The following SHTN1 variants were observed in gnomAD, a reference collection of about 807,000 sequenced individuals.
SHTN1 encodes the protein shootin-1.
Under a neutral mutation model 83.1 loss-of-function variants are expected in SHTN1, and 42 were observed. The observed-to-expected ratio is 0.51, with a 90% CI of 0.39 to 0.65. The LOEUF is 0.65. SHTN1 is among the 30% of genes least tolerant of loss of function. SHTN1 has a pLI of 0.00. For missense variants in SHTN1, 622 were observed against 737.8 expected (o/e 0.84, Z 1.82); for synonymous variants, 224 against 247.7 (o/e 0.90, Z 0.90).
intron 1 of SHTN1, among the ~76,000 whole-genome samples, chr10:117,104,327 T>C (rs995947828): frequency 6.6e-6 from 1 of 152,234 alleles, no homozygotes; most frequent in Non-Finnish European, 1.5e-5. Flanking sequence ...TCAGTTTGTA[T>C]TGCACAGCAG....
intron 3 of SHTN1, among the ~76,000 whole-genome samples, chr10:116,963,487 A>G (rs1381366572): frequency 2.0e-5 from 3 of 152,156 alleles, no homozygotes; most frequent in Non-Finnish European, 2.9e-5. Context: ...TCATATTTGC[A>G]TATTTGGATG....
chr10:116,924,966 C>T (rs575861274), intron 11 of SHTN1, among the ~76,000 whole-genome samples: 162 of 152,000 alleles, frequency 1.1e-3, no homozygotes, highest in African/African-American at 3.8e-3. Flanking sequence ...CCATGTTAGC[C>T]AGGATGGTCT....
At chr10:117,044,649 G>T (rs1042097591) in intron 2 of SHTN1, among the ~76,000 whole-genome samples, 11 of 152,068 alleles carry the variant, frequency 7.2e-5, no homozygotes, top group Admixed American at 6.6e-4. Context: ...ATTTAGCTTG[G>T]ATTATTTTTC....
intron 9 of SHTN1, among the ~76,000 whole-genome samples, chr10:116,937,029 C>T (rs1849194613): frequency 6.6e-6 from 1 of 152,066 alleles, no homozygotes; most frequent in African/African-American, 2.4e-5. Flanking sequence ...AATATGCCTC[C>T]ATCCCTTTAT....
At chr10:117,092,814 G>C (rs549529877) in intron 1 of SHTN1, among the ~76,000 whole-genome samples, 243 of 152,288 alleles carry the variant, frequency 1.6e-3, no homozygotes, top group African/African-American at 5.3e-3. Flanking sequence ...GGGAGAGACT[G>C]AGGCTGAAGG....
At chr10:117,076,804 C>G (rs769927922) in intron 1 of SHTN1, among the ~76,000 whole-genome samples, 2 of 152,218 alleles carry the variant, frequency 1.3e-5, no homozygotes, top group African/African-American at 2.4e-5. Flanking sequence ...CAAGGTCATA[C>G]AGACGCCTCT....
intron 10 of SHTN1, 143 bp downstream of exon 10, chr10:116,929,706 A>G (rs1356466138): frequency 2.0e-6 from 1 of 503,896 alleles, no homozygotes; most frequent in Admixed American, 4.0e-5. Context: ...ATGGTTAGAA[A>G]TTAAGGAATT....
chr10:117,074,199 C>T (rs553222013), intron 1 of SHTN1, among the ~76,000 whole-genome samples: 3 of 152,276 alleles, frequency 2.0e-5, no homozygotes, highest in Admixed American at 6.5e-5. Flanking sequence ...CACCAAATGA[C>T]CCTGTTGTTC....
chr10:117,084,906 G>A (rs1413246598), intron 1 of SHTN1, among the ~76,000 whole-genome samples: 1 of 152,168 alleles, frequency 6.6e-6, no homozygotes, highest in Non-Finnish European at 1.5e-5. Flanking sequence ...CGCGCACGGT[G>A]CGCGCCCCCA....
intron 1 of SHTN1, among the ~76,000 whole-genome samples, chr10:117,059,627 G>A (rs1852871577): frequency 6.6e-6 from 1 of 152,192 alleles, no homozygotes; most frequent in African/African-American, 2.4e-5. Context: ...CCAAAAGGCT[G>A]CATACTGTAT....
chr10:117,002,308 G>C (rs1413430828), intron 1 of SHTN1, among the ~76,000 whole-genome samples: 1 of 152,200 alleles, frequency 6.6e-6, no homozygotes, highest in Non-Finnish European at 1.5e-5. Context: ...GACAAGGACT[G>C]TGTAGTTCAC....
intron 2 of SHTN1, among the ~76,000 whole-genome samples, chr10:116,975,518 C>T (rs141413617): frequency 6.6e-6 from 1 of 152,082 alleles, no homozygotes; most frequent in Non-Finnish European, 1.5e-5. Context: ...TGGTTTTACT[C>T]AAGAGTAGGA....
intron 4 of SHTN1, among the ~76,000 whole-genome samples, chr10:116,957,869 G>T (rs1340289493): frequency 6.6e-6 from 1 of 152,124 alleles, no homozygotes; most frequent in African/African-American, 2.4e-5. Context: ...AGACCAGCCT[G>T]GTCAACACAG....
intron 1 of SHTN1, among the ~76,000 whole-genome samples, chr10:117,054,245 T>C (rs1301431602): frequency 2.0e-5 from 3 of 152,046 alleles, no homozygotes; most frequent in East Asian, 1.9e-4. Flanking sequence ...AATGTTAAAA[T>C]AGAGATCATA....
chr10:116,907,681 C>T (rs1848026797), intron 14 of SHTN1, among the ~76,000 whole-genome samples: 1 of 152,156 alleles, frequency 6.6e-6, no homozygotes, highest in African/African-American at 2.4e-5. Flanking sequence ...TAGAAACGGT[C>T]CTTCTCAACT....
chr10:116,997,937 ATAAAAT>A lies in SHTN1; in HGVS notation c.58+7079_58+7084del, dbSNP rs1851682168. ...GAAACACTGTCTCTACTAAAAATAC[ATAAAAT>A]TAGTCAGGCATGGTGGCGGGCGCCT... On this transcript the variant is annotated intron_variant, in intron 1 of 16. Coordinates refer to ENST00000355371, the MANE Select transcript of SHTN1 (RefSeq NM_001127211.3). Among the ~76,000 whole-genome samples, 3 of 152,148 alleles carry A rather than the reference ATAAAAT, an allele frequency of 2.0e-5. No homozygotes were observed. The South Asian group carries it at 6.2e-4, about 32-fold the overall frequency.
rs542029371 is a variant in SHTN1 at position 117,084,992 on chromosome 10, G to A, written c.-188-36482C>T. Among the ~76,000 whole-genome samples, 117 of 152,110 alleles carry A rather than the reference G, an allele frequency of 7.7e-4. 2 individuals carry two copies. In the South Asian group the frequency reaches 0.022, roughly 29 times the overall value. On this transcript the variant is annotated intron_variant, in intron 1 of 17. Transcript: ENST00000392901. ...TCAGATGGAAATGCAGAAATCACCC[G>A]TCTTCTGGGTCGCTCAGGCTGGGAG...
chr10:116,897,250 T>C (rs747108811), intron 16 of SHTN1, among the ~76,000 whole-genome samples: 3 of 152,230 alleles, frequency 2.0e-5, no homozygotes, highest in Non-Finnish European at 4.4e-5. Context: ...TTGTAAGTCC[T>C]GAGGATGTAT....
At chr10:117,063,648 AG>A (rs755737077) in intron 1 of SHTN1, among the ~76,000 whole-genome samples, 3 of 152,164 alleles carry the variant, frequency 2.0e-5, no homozygotes, top group Non-Finnish European at 4.4e-5. Flanking sequence ...TGTGGCATTA[AG>A]ATCCTACATG....
Sources: allele counts gnomAD v4.1 joint callset (sites outside exome capture counted in the v4.1 genomes callset), GRCh38; gene constraint gnomAD v4.1.1; transcripts MANE v1.5; gene names NCBI Gene and HGNC (gene_info 2026-07-23, HGNC 2026-07-21).